CDK8: variants seen among roughly 807,000 people sequenced by gnomAD.
CDK8 encodes cyclin dependent kinase 8, also known as cyclin-dependent kinase 8.
Under a neutral mutation model 71.5 loss-of-function variants are expected in CDK8, and 29 were observed. The observed-to-expected ratio is 0.41, with a 90% confidence interval of 0.30 to 0.55. The LOEUF (loss-of-function observed/expected upper bound fraction) is 0.55. CDK8 is among the 20% of genes least tolerant of loss of function. CDK8 has a pLI of 0.37. For missense variants in CDK8, 288 were observed against 572.6 expected (o/e 0.50, Z 5.07); for synonymous variants, 161 against 192.1 (o/e 0.84, Z 1.34).
intron 4 of CDK8, among the ~76,000 whole-genome samples, chr13:26,359,182 T>C (rs956134949): frequency 6.6e-5 from 10 of 152,126 alleles, no homozygotes; most frequent in African/African-American, 1.9e-4. Context: ...GTCAGATTCA[T>C]AGAGACAAAG....
At chr13:26,403,151 C>T (rs937838760) in intron 12 of CDK8, among the ~76,000 whole-genome samples, 5 of 152,050 alleles carry the variant, frequency 3.3e-5, no homozygotes, top group African/African-American at 7.3e-5. Context: ...TTGAGAATAC[C>T]GTCCTTCTTA....
intron 1 of CDK8, among the ~76,000 whole-genome samples, chr13:26,311,590 G>T (rs945275897): frequency 5.3e-5 from 8 of 152,140 alleles, no homozygotes; most frequent in African/African-American, 1.9e-4. Flanking sequence ...TCCTTAGCAT[G>T]AACTTAATCC....
chr13:26,396,177 G>A (rs1875982994), intron 7 of CDK8, 108 bp from the exon 8 acceptor site: 1 of 423,578 alleles, frequency 2.4e-6, no homozygotes, highest in South Asian at 6.1e-5. Flanking sequence ...GCTTTTTTGT[G>A]TGGAGGTTGA....
intron 2 of CDK8, among the ~76,000 whole-genome samples, chr13:26,348,622 A>C (rs1541037): frequency 0.89 from 134,656 of 151,514 alleles, 60,106 homozygotes; most frequent in East Asian, 0.99. Flanking sequence ...TTCCTCAAAA[A>C]TGGTTTCTGA....
intron 1 of CDK8, among the ~76,000 whole-genome samples, chr13:26,289,707 T>C (rs559753043): frequency 3.1e-4 from 47 of 152,198 alleles, no homozygotes; most frequent in African/African-American, 1.1e-3. Flanking sequence ...CCTGCCACCA[T>C]GCACAGCTAA....
chr13:26,342,373 G>T (rs1356689130), intron 2 of CDK8, among the ~76,000 whole-genome samples: 1 of 152,166 alleles, frequency 6.6e-6, no homozygotes, highest in Non-Finnish European at 1.5e-5. Flanking sequence ...CAGCATCACA[G>T]CGTCAAACAC....
intron 1 of CDK8, among the ~76,000 whole-genome samples, chr13:26,325,730 G>A (rs1024495322): frequency 1.6e-4 from 24 of 152,136 alleles, no homozygotes; most frequent in Admixed American, 1.2e-3. Flanking sequence ...GGTACTGGCC[G>A]TGCTACCGAT....
At chr13:26,324,819 T>A in intron 1 of CDK8, 3 of 886,226 alleles carry the variant, frequency 3.4e-6, no homozygotes, top group Non-Finnish European at 4.1e-6. Flanking sequence ...GAAAGACTGA[T>A]TGGTAAGTAA....
At chr13:26,278,676 T>C (rs1212074280) in intron 1 of CDK8, among the ~76,000 whole-genome samples, 1 of 152,164 alleles carries the variant, frequency 6.6e-6, no homozygotes, top group Non-Finnish European at 1.5e-5. Flanking sequence ...TCAAAGATGT[T>C]AAATTATTCC....
At chr13:26,266,114 A>G (rs1343065455) in intron 1 of CDK8, among the ~76,000 whole-genome samples, 1 of 151,540 alleles carries the variant, frequency 6.6e-6, no homozygotes, top group Non-Finnish European at 1.5e-5. Flanking sequence ...GGATATTGCC[A>G]TTCACATAGC....
At chr13:26,398,037 A>G (rs947261610) in intron 9 of CDK8, among the ~76,000 whole-genome samples, 75 of 152,242 alleles carry the variant, frequency 4.9e-4, no homozygotes, top group Non-Finnish European at 8.1e-4. Flanking sequence ...CAACCAGGCC[A>G]TTTGGCAAAC....
intron 1 of CDK8, among the ~76,000 whole-genome samples, chr13:26,283,542 G>A (rs886694481): frequency 6.6e-6 from 1 of 151,846 alleles, no homozygotes; most frequent in Non-Finnish European, 1.5e-5. Flanking sequence ...TGGGAGGCAG[G>A]GGTTGCAGTG....
At chr13:26,403,779 C>T (rs1876377450) in intron 12 of CDK8, among the ~76,000 whole-genome samples, 177 bp from the exon 13 acceptor site, 1 of 152,198 alleles carries the variant, frequency 6.6e-6, no homozygotes, top group South Asian at 2.1e-4. Flanking sequence ...TGACCTTCCT[C>T]AAGAGAAGAG....
At chr13:26,285,524 C>T (rs1389664995) in intron 1 of CDK8, among the ~76,000 whole-genome samples, 2 of 152,346 alleles carry the variant, frequency 1.3e-5, no homozygotes, top group South Asian at 2.1e-4. Flanking sequence ...GACAAACCCA[C>T]AGCCAACATT....
At chr13:26,270,376 C>G (rs1173086050) in intron 1 of CDK8, among the ~76,000 whole-genome samples, 2 of 145,884 alleles carry the variant, frequency 1.4e-5, no homozygotes, top group African/African-American at 2.7e-5. Flanking sequence ...GCAACAAGAG[C>G]GAAACTCTGT....
chr13:26,315,888 A>G (rs1278663100), intron 1 of CDK8, among the ~76,000 whole-genome samples: 1 of 152,194 alleles, frequency 6.6e-6, no homozygotes, highest in Admixed American at 6.5e-5. Flanking sequence ...GCACTGGCGG[A>G]ATCTGTCCTG....
At chr13:26,281,780 T>C (rs185696877) in intron 1 of CDK8, among the ~76,000 whole-genome samples, 188 of 152,006 alleles carry the variant, frequency 1.2e-3, no homozygotes, top group African/African-American at 4.5e-3. Flanking sequence ...CAGAAGATAT[T>C]TACTCCAGAG....
intron 1 of CDK8, among the ~76,000 whole-genome samples, chr13:26,323,500 T>C (rs369070819): frequency 2.2e-4 from 33 of 152,172 alleles, no homozygotes; most frequent in African/African-American, 7.5e-4. Context: ...TACCATCACA[T>C]TGTGGGTTAG....
intron 6 of CDK8, 102 bp from the exon 7 acceptor site, chr13:26,393,265 A>T (rs1488173128): frequency 1.4e-6 from 1 of 693,076 alleles, no homozygotes; most frequent in African/African-American, 1.8e-5. Flanking sequence ...AAGAAAATAA[A>T]ATTGCATTTT....
Sources: allele counts gnomAD v4.1 joint callset (sites outside exome capture counted in the v4.1 genomes callset), GRCh38; gene constraint gnomAD v4.1.1; transcripts MANE v1.5; gene names NCBI Gene and HGNC (gene_info 2026-07-23, HGNC 2026-07-21).